Variants in CCDC138 observed in about 807,000 individuals in gnomAD.
CCDC138 encodes coiled-coil domain containing 138.
In CCDC138, 66 loss-of-function variants were observed where a neutral mutation model predicts 82.3. That is an observed-to-expected ratio of 0.80 (90% confidence interval 0.66 to 0.98). CCDC138 has a LOEUF of 0.98. Among genes scored for constraint, CCDC138 ranks in the 50% least tolerant of loss-of-function variants. The pLI is 0.00. For synonymous variants in CCDC138, 297 were observed against 265.4 expected, an observed-to-expected ratio of 1.12 and a Z score of -1.16; for missense variants, 816 against 758.9, an observed-to-expected ratio of 1.08 and a Z score of -0.88.
chr2:108,813,275 A>G (rs1684218041), intron 9 of CCDC138, among the ~76,000 whole-genome samples: 1 of 150,046 alleles, frequency 6.7e-6, no homozygotes, highest in South Asian at 2.1e-4. Context: ...AAAAAAAAGA[A>G]AATTTCTCCA....
chr2:108,812,924 C>G lies in CCDC138; in HGVS notation c.1038C>G (p.Tyr346Ter), dbSNP rs1272812906. ...AAAAAGCACCAGTTTCAAAAACTTA[C>G]AAGGTAAGTTTGAATTATGATTTGA... ...KQEKAPVSKT[Y>*]KVPLNGQVYE... is the part of the protein sequence containing the mutation. The change falls in exon 9 of 15, where the codon TAC (tyrosine) becomes TAG (stop). Residue 346 changes from tyrosine to a stop codon, truncating the protein, a stop_gained. Transcript: ENST00000295124. LOFTEE classifies it high-confidence loss of function. 1.2e-6 allele frequency: 2 copies of G among 1,612,790 alleles called. No homozygotes were observed. Among genetic ancestry groups the G allele is most frequent in the African/African-American group, 1.3e-5 (1 of 74,742 alleles).
At position 108,800,638 on chromosome 2, in the gene CCDC138, T is replaced by TTTTTTTTTTTTA. The variant is rs1491527939; in HGVS notation, c.735+2052_735+2053insTTTTTTTTTTTA. On this transcript the variant is annotated intron_variant, in intron 6 of 14. Coordinates refer to ENST00000295124, the MANE Select transcript of CCDC138 (RefSeq NM_144978.3). The stretch of plus-strand genomic sequence containing the variant: ...TTTTTTTTTTTTTTTTTTTTTTTTT[T>TTTTTTTTTTTTA]AATTATACTTTAAGTTTTAGGGTAC... 3.1e-4 allele frequency among the ~76,000 whole-genome samples: 23 copies of TTTTTTTTTTTTA among 73,768 alleles called. 2 individuals are homozygous for TTTTTTTTTTTTA. Among genetic ancestry groups the TTTTTTTTTTTTA allele is most frequent in the Non-Finnish European group, 3.5e-4 (15 of 42,694 alleles). 48.4% of individuals were successfully genotyped at this position (73,768 alleles called of 152,430 possible).
chr2:108,881,281 T>A (rs1696284565), downstream of CCDC138, among the ~76,000 whole-genome samples: 1 of 152,236 alleles, frequency 6.6e-6, no homozygotes, highest in Non-Finnish European at 1.5e-5. Context: ...TAAAACCTCA[T>A]GAACCAACCT....
intron 13 of CCDC138, among the ~76,000 whole-genome samples, chr2:108,870,520 C>T (rs1307069292): frequency 6.6e-6 from 1 of 152,150 alleles, no homozygotes; most frequent in Non-Finnish European, 1.5e-5. Flanking sequence ...AAGGAATCCA[C>T]ATTTGATAAA....
exon 2 of CCDC138, chr2:108,882,726 T>G (rs531067628): frequency 1.3e-5 from 2 of 152,316 alleles, no homozygotes; most frequent in East Asian, 3.9e-4. Context: ...TTCTCAGGCC[T>G]CCTCTTTCTC....
At chr2:108,830,651 T>C (rs1687409824) in intron 10 of CCDC138, among the ~76,000 whole-genome samples, 1 of 148,742 alleles carries the variant, frequency 6.7e-6, no homozygotes, top group Non-Finnish European at 1.5e-5. Context: ...TACTAAAAAA[T>C]AGAAAAACTA....
At chr2:108,819,166 G>A (rs149277378) in intron 10 of CCDC138, among the ~76,000 whole-genome samples, 149 of 152,304 alleles carry the variant, frequency 9.8e-4, no homozygotes, top group African/African-American at 3.4e-3. Context: ...GGACATGTTA[G>A]TGAGAATTAT....
chr2:108,825,723 C>T (rs2150133901), intron 10 of CCDC138, among the ~76,000 whole-genome samples: 1 of 152,224 alleles, frequency 6.6e-6, no homozygotes, highest in Middle Eastern at 3.4e-3. Context: ...GGGTTGTTTG[C>T]ATTTGTTGGC....
At chr2:108,854,706 C>G (rs1184760546) in intron 12 of CCDC138, among the ~76,000 whole-genome samples, 1 of 152,068 alleles carries the variant, frequency 6.6e-6, no homozygotes, top group Non-Finnish European at 1.5e-5. Flanking sequence ...TGGCTGGGCT[C>G]GGCTGGGCTT....
intron 3 of CCDC138, among the ~76,000 whole-genome samples, chr2:108,790,400 G>C (rs757062397): frequency 6.6e-5 from 10 of 152,164 alleles, no homozygotes; most frequent in Admixed American, 3.3e-4. Context: ...TGGACCCCTA[G>C]TTGTGATCTG....
At chr2:108,852,170 A>G (rs1282697625) in intron 12 of CCDC138, among the ~76,000 whole-genome samples, 3 of 152,232 alleles carry the variant, frequency 2.0e-5, no homozygotes, top group Admixed American at 1.3e-4. Context: ...TAATTTTACA[A>G]ATGAGGAAAT....
At chr2:108,868,974 T>C (rs1694841539) in intron 13 of CCDC138, among the ~76,000 whole-genome samples, 2 of 152,150 alleles carry the variant, frequency 1.3e-5, no homozygotes, top group African/African-American at 4.8e-5. Context: ...CCAGCTGAAT[T>C]AACACAGACT....
At chr2:108,847,540 T>G (rs1220174062) in intron 12 of CCDC138, among the ~76,000 whole-genome samples, 1 of 152,190 alleles carries the variant, frequency 6.6e-6, no homozygotes, top group Non-Finnish European at 1.5e-5. Flanking sequence ...TAATAGTGAA[T>G]AAGGAAATGG....
At chr2:108,807,186 A>G (rs1033934052) in intron 7 of CCDC138, among the ~76,000 whole-genome samples, 3 of 152,276 alleles carry the variant, frequency 2.0e-5, no homozygotes, top group African/African-American at 2.4e-5. Flanking sequence ...GGAATTTAAC[A>G]GGCAATGACT....
intron 9 of CCDC138, among the ~76,000 whole-genome samples, chr2:108,815,055 CT>C (rs1236729703): frequency 2.6e-5 from 4 of 152,070 alleles, no homozygotes; most frequent in Non-Finnish European, 4.4e-5. Flanking sequence ...AATACTTAGT[CT>C]AATTAAATTT....
At chr2:108,811,908 A>G (rs993723540) in intron 7 of CCDC138, among the ~76,000 whole-genome samples, 2 of 152,180 alleles carry the variant, frequency 1.3e-5, no homozygotes, top group African/African-American at 4.8e-5. Context: ...CTTAGGATTA[A>G]TGACCTCCAG....
At chr2:108,870,756 A>G (rs1052881087) in intron 13 of CCDC138, among the ~76,000 whole-genome samples, 8 of 152,242 alleles carry the variant, frequency 5.3e-5, no homozygotes. Flanking sequence ...GATTCCTCTT[A>G]TATGAGGTGC....
chr2:108,877,118 A>G (rs1696072400), downstream of CCDC138, among the ~76,000 whole-genome samples: 1 of 152,242 alleles, frequency 6.6e-6, no homozygotes, highest in African/African-American at 2.4e-5. Flanking sequence ...AAGTAGAAAC[A>G]GAAAGCCATA....
chr2:108,821,500 ATACT>A (rs946873802), intron 10 of CCDC138, among the ~76,000 whole-genome samples: 11 of 152,360 alleles, frequency 7.2e-5, no homozygotes, highest in Admixed American at 2.0e-4. Flanking sequence ...TGCAAAGAAA[ATACT>A]TACAGAATAT....
Sources: gnomAD v4.1 joint callset for allele counts (sites outside exome capture counted in the v4.1 genomes callset) on GRCh38, gnomAD v4.1.1 for gene constraint, MANE v1.5 for transcripts, NCBI Gene and HGNC (gene_info 2026-07-23, HGNC 2026-07-21) for gene names.